Variants in HPCAL1 observed in about 807,000 individuals in gnomAD.
HPCAL1 encodes the protein hippocalcin like 1, also known as hippocalcin-like protein 1.
Under a neutral mutation model 17.1 loss-of-function variants are expected in HPCAL1, and 8 were observed. The ratio of observed to expected loss-of-function variants is 0.47; its 90% confidence interval spans 0.27 to 0.84. The LOEUF (loss-of-function observed/expected upper bound fraction) is 0.84, where lower values mean the gene tolerates loss of function less well. HPCAL1 is among the 40% of genes least tolerant of loss of function. HPCAL1 has a pLI of 0.13. For missense variants in HPCAL1, 165 were observed against 271.1 expected, an observed-to-expected ratio of 0.61 and a Z score of 2.75; for synonymous variants, 112 against 111.4, an observed-to-expected ratio of 1.01 and a Z score of -0.03.
chr2:10,311,234 G>A (rs758118199), intron 1 of HPCAL1, among the ~76,000 whole-genome samples: 15 of 152,060 alleles, frequency 9.9e-5, no homozygotes, highest in African/African-American at 1.9e-4. Flanking sequence ...TTTGGAGCCC[G>A]TGCTGGTGAT....
At chr2:10,356,264 A>G (rs967236802) in intron 1 of HPCAL1, among the ~76,000 whole-genome samples, 2 of 152,216 alleles carry the variant, frequency 1.3e-5, no homozygotes, top group Admixed American at 6.5e-5. Flanking sequence ...GGACGGGCCT[A>G]TAGTGAATCA....
At position 10,394,302 on chromosome 2, in the gene HPCAL1, G is replaced by A. The variant is rs1668874275; in HGVS notation, c.-110-2533G>A. ...TTGAGAATGAGCTCTCTGCCAGGCCGGTAGGAAGGGGATGATGAAATGAGG... is the reference window on the plus strand; with the variant it reads ...TTGAGAATGAGCTCTCTGCCAGGCCAGTAGGAAGGGGATGATGAAATGAGG... On this transcript the variant is annotated intron_variant, in intron 1 of 4. Transcript: ENST00000307845. The surrounding 1 kb of genome is among the most constrained non-coding windows in gnomAD (Gnocchi z 5.0). Among the ~76,000 whole-genome samples the A allele has an allele frequency of 6.6e-6, 1 of 152,068 alleles. No individual in the cohort carries two copies. The highest frequency in any genetic ancestry group is 1.5e-5 in the Non-Finnish European group (1 of 68,018).
chr2:10,335,686 T>C (rs1330998019), intron 1 of HPCAL1, among the ~76,000 whole-genome samples: 1 of 152,242 alleles, frequency 6.6e-6, no homozygotes, highest in Admixed American at 6.5e-5. Context: ...TCAACAGTAC[T>C]GTTTATTACT....
At position 10,419,561 on chromosome 2, in the gene HPCAL1, T is replaced by C. The variant is rs963386319; in HGVS notation, c.-24-173T>C. Among the ~76,000 whole-genome samples the C allele has an allele frequency of 6.6e-6, 1 of 151,814 alleles. No individual in the cohort carries two copies. Among genetic ancestry groups the C allele is most frequent in the Non-Finnish European group, 1.5e-5 (1 of 67,964 alleles). ...GAGCTGTCGTGATATAATTAGAGTC[T>C]CTTGGCCTTCTTGGTGGTCCATAAG... On this transcript the variant is annotated intron_variant, in intron 2 of 4. Transcript: ENST00000307845. This position sits in a 1 kb window ranked among gnomAD's most constrained non-coding sequence, Gnocchi z 5.0.
At chr2:10,324,988 AT>A (rs70948884) in intron 1 of HPCAL1, among the ~76,000 whole-genome samples, 8,215 of 136,906 alleles carry the variant, frequency 0.06, 275 homozygotes, top group Non-Finnish European at 0.085. Flanking sequence ...ACGCCCAGCA[AT>A]TTTTTTTTTT....
chr2:10,360,698 C>T (rs549532037), intron 1 of HPCAL1, among the ~76,000 whole-genome samples: 11 of 152,156 alleles, frequency 7.2e-5, no homozygotes, highest in Non-Finnish European at 1.6e-4. Context: ...GCCACCATGC[C>T]GCCCGGCCTT....
At chr2:10,389,379 A>G (rs927869953) in intron 1 of HPCAL1, among the ~76,000 whole-genome samples, 48 of 152,346 alleles carry the variant, frequency 3.2e-4, no homozygotes, top group African/African-American at 1.1e-3. Flanking sequence ...CTGCTTCAGT[A>G]AAATTGCTAA....
intron 1 of HPCAL1, among the ~76,000 whole-genome samples, chr2:10,333,123 T>C (rs1486979401): frequency 1.3e-5 from 2 of 152,264 alleles, no homozygotes; most frequent in African/African-American, 2.4e-5. Context: ...ATCTCTGCAC[T>C]GGGTCTTTAA....
At chr2:10,315,016 G>T (rs894061894) in intron 1 of HPCAL1, among the ~76,000 whole-genome samples, 1 of 152,192 alleles carries the variant, frequency 6.6e-6, no homozygotes, top group Non-Finnish European at 1.5e-5. Context: ...TGCAGGCCAG[G>T]CGCGGTGGCT....
intron 2 of HPCAL1, among the ~76,000 whole-genome samples, chr2:10,416,852 G>C (rs1670705111): frequency 6.6e-6 from 1 of 152,088 alleles, no homozygotes; most frequent in African/African-American, 2.4e-5. Flanking sequence ...CCCCAGGGTG[G>C]GTCATATTTC....
intron 4 of HPCAL1, chr2:10,424,453 C>T (rs1671275983): frequency 8.6e-6 from 4 of 466,998 alleles, no homozygotes; most frequent in African/African-American, 2.0e-5. Context: ...GAGGTTTCAG[C>T]GAGATGATGC....
At chr2:10,402,219 G>A (rs950220530) in intron 2 of HPCAL1, among the ~76,000 whole-genome samples, 1 of 152,184 alleles carries the variant, frequency 6.6e-6, no homozygotes. Flanking sequence ...ACCTTGGTAG[G>A]AGAAGGAAAG....
rs946245150 is a variant in HPCAL1 at position 10,323,525 on chromosome 2, C to T, written c.-111+20348C>T. 6.6e-6 allele frequency among the ~76,000 whole-genome samples: 1 copy of T among 152,226 alleles called. No homozygotes were observed. Among genetic ancestry groups the T allele is most frequent in the Non-Finnish European group, 1.5e-5 (1 of 68,042 alleles). The stretch of plus-strand genomic sequence containing the variant: ...AGACAATGGGTGACTGAGGCAGTTA[C>T]AGGTGTCAGCCCCAGATGAGGCTCC... On this transcript the variant is annotated intron_variant, in intron 1 of 4. Transcript: ENST00000307845. The surrounding 1 kb of genome is among the most constrained non-coding windows in gnomAD (Gnocchi z 4.6).
In HPCAL1 at chr2:10,323,165, C is replaced by T. The variant is rs1269776817; in HGVS notation, c.-111+19988C>T. Reference sequence around the variant, plus strand: ...CCAGCACAACTCTCTGACCTGGCTCCCCCGGTTCCCCAGACGCGTTCCCCA... The same window carrying T: ...CCAGCACAACTCTCTGACCTGGCTCTCCCGGTTCCCCAGACGCGTTCCCCA... On this transcript the variant is annotated intron_variant, in intron 1 of 4. Coordinates refer to ENST00000307845, the MANE Select transcript of HPCAL1 (RefSeq NM_002149.4). The surrounding 1 kb of genome is among the most constrained non-coding windows in gnomAD (Gnocchi z 4.6). Among the ~76,000 whole-genome samples, 1 of 152,184 alleles carries T rather than the reference C, an allele frequency of 6.6e-6. No individual in the cohort carries two copies. Among genetic ancestry groups the T allele is most frequent in the Non-Finnish European group, 1.5e-5 (1 of 68,034 alleles).
intron 1 of HPCAL1, among the ~76,000 whole-genome samples, chr2:10,324,733 G>A (rs1663884763): frequency 7.1e-6 from 1 of 140,146 alleles, no homozygotes; most frequent in Non-Finnish European, 1.5e-5. Context: ...GGGGGAGGGG[G>A]TGTTTGCTTT....
intron 1 of HPCAL1, among the ~76,000 whole-genome samples, chr2:10,366,108 G>C (rs1294232277): frequency 6.6e-6 from 1 of 152,216 alleles, no homozygotes; most frequent in Non-Finnish European, 1.5e-5. Context: ...CCTGGGCCCT[G>C]TCTGGTGGTG....
At chr2:10,390,753 G>A (rs1668636857) in intron 1 of HPCAL1, among the ~76,000 whole-genome samples, 1 of 152,068 alleles carries the variant, frequency 6.6e-6, no homozygotes, top group Admixed American at 6.5e-5. Flanking sequence ...GAGGGAAATG[G>A]GCACCGAATG....
chr2:10,307,764 C>T (rs1013968213), intron 1 of HPCAL1, among the ~76,000 whole-genome samples: 1 of 152,180 alleles, frequency 6.6e-6, no homozygotes, highest in South Asian at 2.1e-4. Flanking sequence ...CCCACTCTTC[C>T]GGCACAGCGG....
chr2:10,316,115 A>T (rs1458647875), intron 1 of HPCAL1, among the ~76,000 whole-genome samples: 1 of 152,102 alleles, frequency 6.6e-6, no homozygotes, highest in Non-Finnish European at 1.5e-5. Flanking sequence ...GTGTTCTTGA[A>T]CTTGGGCGTT....
Sources: allele counts gnomAD v4.1 joint callset (sites outside exome capture counted in the v4.1 genomes callset), GRCh38; gene constraint gnomAD v4.1.1; non-coding constraint Gnocchi (gnomAD v3.1); transcripts MANE v1.5; gene names NCBI Gene and HGNC (gene_info 2026-07-23, HGNC 2026-07-21).